The following ZNF516 variants were observed in gnomAD, a reference collection of about 807,000 sequenced individuals.
ZNF516 encodes the protein zinc finger protein 516.
Under a neutral mutation model 79.7 loss-of-function variants are expected in ZNF516, and 19 were observed. That is an observed-to-expected ratio of 0.24 (90% CI 0.17 to 0.35). The LOEUF (loss-of-function observed/expected upper bound fraction) is 0.35, where lower values mean the gene tolerates loss of function less well. ZNF516 is among the 10% of genes least tolerant of loss of function. ZNF516 has a pLI of 1.00. For missense variants in ZNF516, 1,678 were observed against 1,679.5 expected (o/e 1.00, Z 0.02); for synonymous variants, 877 against 739.5 (o/e 1.19, Z -3.02).
rs750753373 is a variant in ZNF516 at position 76,493,065 on chromosome 18, A to AG, written c.-272+2078dup. 4 of 983,918 alleles carry AG rather than the reference A, an allele frequency of 4.1e-6. No homozygotes were observed. The highest frequency in any genetic ancestry group is 4.8e-6 in the Non-Finnish European group (4 of 829,750). 60.9% of individuals were successfully genotyped at this position (983,918 alleles called of 1,614,324 possible). On this transcript the variant is annotated intron_variant, in intron 1 of 6. Coordinates refer to ENST00000443185, the MANE Select transcript of ZNF516 (RefSeq NM_014643.4). This position sits in a 1 kb window ranked among gnomAD's most constrained non-coding sequence, Gnocchi z 5.2. ...GCCAGCAGAGCCGTCACTCACGCCC[A>AG]GGGGGCAGGGAGACTTCGCAAAGCT...
chr18:76,447,162 AGGGC>A lies in ZNF516; in HGVS notation c.-157-3955_-157-3952del, dbSNP rs530953649. 3.1e-3 allele frequency among the ~76,000 whole-genome samples: 465 copies of A among 152,372 alleles called. 2 individuals carry two copies. The highest frequency in any genetic ancestry group is 0.011 in the African/African-American group (450 of 41,598). On this transcript the variant is annotated intron_variant, in intron 2 of 6. Transcript: ENST00000443185. ...CAGGCAAAAATTGCTATTTAAGACAAGGGCATCCCTTCCAAAAAAAGAACAAGAA... is the reference window on the plus strand; with the variant it reads ...CAGGCAAAAATTGCTATTTAAGACAAATCCCTTCCAAAAAAAGAACAAGAA...
At chr18:76,471,494 T>C (rs1054525706) in intron 1 of ZNF516, among the ~76,000 whole-genome samples, 2 of 152,224 alleles carry the variant, frequency 1.3e-5, no homozygotes, top group Admixed American at 1.3e-4. Context: ...AAATGTGTCA[T>C]TTGTAATGGA....
chr18:76,418,584 C>T (rs563616211), intron 3 of ZNF516, among the ~76,000 whole-genome samples: 2 of 152,042 alleles, frequency 1.3e-5, no homozygotes, highest in South Asian at 4.2e-4. Context: ...CCTAACTCCC[C>T]GGGTCACTGA....
At chr18:76,491,108 C>T in intron 1 of ZNF516, 1 of 983,200 alleles carries the variant, frequency 1.0e-6, no homozygotes, top group Non-Finnish European at 1.2e-6. Flanking sequence ...CCTTTCCCAC[C>T]GCCCCACCTC....
At position 76,442,860 on chromosome 18, in the gene ZNF516, G is replaced by C; in HGVS notation, c.195C>G (p.Pro65=). The change falls in exon 3 of 7, where the codon CCC becomes CCG. Residue 65 remains proline, a synonymous_variant. Coordinates refer to ENST00000443185, the MANE Select transcript of ZNF516 (RefSeq NM_014643.4). The part of the protein sequence containing the change: ...KHTGEKPYKC[P]YCDHRASQKG... ...TCTGGGAAGCCCGGTGGTCGCAGTAGGGACACTTGTAGGGCTTCTCGCCCG... is the reference window on the plus strand; with the variant it reads ...TCTGGGAAGCCCGGTGGTCGCAGTACGGACACTTGTAGGGCTTCTCGCCCG... 2 of 1,613,600 alleles carry C rather than the reference G, an allele frequency of 1.2e-6. No individual in the cohort carries two copies. The highest frequency in any genetic ancestry group is 8.5e-7 in the Non-Finnish European group (1 of 1,179,762).
chr18:76,453,539 AG>A (rs1175295932), intron 2 of ZNF516, among the ~76,000 whole-genome samples: 1 of 152,260 alleles, frequency 6.6e-6, no homozygotes, highest in Non-Finnish European at 1.5e-5. Flanking sequence ...GGAACACCAG[AG>A]AAAATGAAAA....
chr18:76,395,515 T>A (rs1269346540), intron 3 of ZNF516, among the ~76,000 whole-genome samples: 1 of 152,090 alleles, frequency 6.6e-6, no homozygotes, highest in East Asian at 1.9e-4. Flanking sequence ...AGGTATCTCT[T>A]AAGGACCTGC....
chr18:76,373,307 G>A (rs536385171), intron 4 of ZNF516, among the ~76,000 whole-genome samples: 2 of 151,710 alleles, frequency 1.3e-5, no homozygotes, highest in African/African-American at 4.8e-5. Context: ...GAGGGAAAGA[G>A]AAGGGGAGAA....
chr18:76,375,697 G>C (rs2074776550), intron 4 of ZNF516, among the ~76,000 whole-genome samples: 1 of 150,750 alleles, frequency 6.6e-6, no homozygotes, highest in African/African-American at 2.4e-5. Context: ...CCGAAGACCA[G>C]GTAGAGGATG....
chr18:76,382,667 T>C (rs970818512), intron 3 of ZNF516, among the ~76,000 whole-genome samples: 11 of 152,042 alleles, frequency 7.2e-5, no homozygotes, highest in Admixed American at 2.6e-4. Flanking sequence ...TCCCAGCACT[T>C]TGGGAGGCCG....
chr18:76,372,432 A>T (rs2074722763), intron 4 of ZNF516, among the ~76,000 whole-genome samples: 1 of 151,854 alleles, frequency 6.6e-6, no homozygotes, highest in Non-Finnish European at 1.5e-5. Flanking sequence ...CAGTAGGAAA[A>T]ACAAAAAAAA....
chr18:76,467,192 G>T lies in ZNF516; in HGVS notation c.-271-4051C>A, dbSNP rs1236370063. 1.3e-4 allele frequency among the ~76,000 whole-genome samples: 11 copies of T among 81,556 alleles called. No individual in the cohort carries two copies. Among genetic ancestry groups the T allele is most frequent in the African/African-American group, 5.0e-4 (10 of 19,942 alleles). 53.5% of individuals were successfully genotyped at this position (81,556 alleles called of 152,430 possible). A position where few individuals can be genotyped will look rare whatever the true frequency, so the allele number is the denominator to read the frequency against. On this transcript the variant is annotated intron_variant, in intron 1 of 6. Transcript: ENST00000443185. The surrounding 1 kb of genome is among the most constrained non-coding windows in gnomAD (Gnocchi z 4.2). ...TGGCAGGAAGTCCTGCGTGTCTCTC[G>T]GAACCTGCAGCTCACAGCCCCTCTG...
chr18:76,413,489 C>A, intron 3 of ZNF516, among the ~76,000 whole-genome samples: 1 of 152,126 alleles, frequency 6.6e-6, no homozygotes. Flanking sequence ...GTTTCCCATG[C>A]AATCCCATTA....
chr18:76,474,977 T>G (rs1308985490), intron 1 of ZNF516, among the ~76,000 whole-genome samples: 1 of 152,188 alleles, frequency 6.6e-6, no homozygotes, highest in Non-Finnish European at 1.5e-5. Context: ...AAACCAGAGC[T>G]CTCTCCTCCA....
At chr18:76,454,175 A>T (rs2145628439) in intron 2 of ZNF516, among the ~76,000 whole-genome samples, 1 of 152,388 alleles carries the variant, frequency 6.6e-6, no homozygotes, top group South Asian at 2.1e-4. Flanking sequence ...AGTGCTGTTT[A>T]GCACAGAAGT....
At chr18:76,482,273 C>T (rs545374792) in intron 1 of ZNF516, among the ~76,000 whole-genome samples, 49 of 152,164 alleles carry the variant, frequency 3.2e-4, no homozygotes, top group Non-Finnish European at 2.5e-4. Context: ...CATATGTGAT[C>T]CAGCTTTTCC....
intron 3 of ZNF516, among the ~76,000 whole-genome samples, chr18:76,404,919 C>T (rs1229804419): frequency 2.0e-5 from 3 of 152,086 alleles, no homozygotes; most frequent in African/African-American, 7.3e-5. Flanking sequence ...TGGGGCCGTC[C>T]CTGCAGACAG....
At chr18:76,401,770 A>ACCACCCACACCCCCGCGCCGCACCCC (rs1568261832) in intron 3 of ZNF516, among the ~76,000 whole-genome samples, 2 of 552 alleles carry the variant, frequency 3.6e-3, no homozygotes, top group Admixed American at 0.053. Flanking sequence ...CCCGCGCTCC[A>ACCACCCACACCCCCGCGCCGCACCCC]TCTCTCCACC....
intron 1 of ZNF516, among the ~76,000 whole-genome samples, chr18:76,468,472 A>G (rs1259959298): frequency 7.0e-6 from 1 of 142,828 alleles, no homozygotes; most frequent in Non-Finnish European, 1.5e-5. Context: ...GCTGGAGTGC[A>G]GTGGTGCAAC....
Sources: allele counts gnomAD v4.1 joint callset (sites outside exome capture counted in the v4.1 genomes callset), GRCh38; gene constraint gnomAD v4.1.1; non-coding constraint Gnocchi (gnomAD v3.1); transcripts MANE v1.5; gene names NCBI Gene and HGNC (gene_info 2026-07-23, HGNC 2026-07-21).